The following SPAG16 variants were observed in gnomAD, a reference collection of about 807,000 sequenced individuals.
SPAG16 encodes the protein sperm associated antigen 16.
In SPAG16, 86 loss-of-function variants were observed where a neutral mutation model predicts 80.4. That is an observed-to-expected ratio of 1.07 (90% confidence interval 0.90 to 1.28). The LOEUF is 1.28. SPAG16 is among the 50% of genes most tolerant of loss of function. The pLI is 0.00. For synonymous variants in SPAG16, 294 were observed against 265.9 expected (o/e 1.11, Z -1.03); for missense variants, 870 against 765.3 (o/e 1.14, Z -1.61).
chr2:213,451,921 G>C (rs74337153), intron 9 of SPAG16, among the ~76,000 whole-genome samples: 1,569 of 151,704 alleles, frequency 0.01, 34 homozygotes, highest in African/African-American at 0.036. Context: ...TCCCTGACTC[G>C]CCCCATACCC....
intron 15 of SPAG16, among the ~76,000 whole-genome samples, chr2:214,268,985 T>G (rs1001814886): frequency 6.6e-6 from 1 of 152,040 alleles, no homozygotes; most frequent in Non-Finnish European, 1.5e-5. Context: ...TGCCAGACTT[T>G]CATTTATAGA....
chr2:214,365,272 A>G (rs1339258810), intron 15 of SPAG16, among the ~76,000 whole-genome samples: 1 of 152,190 alleles, frequency 6.6e-6, no homozygotes, highest in Non-Finnish European at 1.5e-5. Context: ...ATCAGCACCT[A>G]CTTAAACTCT....
At chr2:213,991,586 T>C (rs1048436033) in intron 12 of SPAG16, among the ~76,000 whole-genome samples, 1 of 152,142 alleles carries the variant, frequency 6.6e-6, no homozygotes, top group African/African-American at 2.4e-5. Flanking sequence ...CCCGCACTTG[T>C]CCCACGCTGC....
At chr2:213,839,226 C>A (rs11888910) in intron 10 of SPAG16, among the ~76,000 whole-genome samples, 91,501 of 152,028 alleles carry the variant, frequency 0.6, 29,285 homozygotes, top group East Asian at 0.85. Context: ...TCTATGCAGA[C>A]AGTTATAGTG....
At chr2:214,079,200 A>G (rs2051238371) in intron 13 of SPAG16, among the ~76,000 whole-genome samples, 1 of 152,176 alleles carries the variant, frequency 6.6e-6, no homozygotes, top group African/African-American at 2.4e-5. Flanking sequence ...AAAAATCACT[A>G]ACTTTTCTCT....
intron 13 of SPAG16, among the ~76,000 whole-genome samples, chr2:214,082,153 C>T (rs900689353): frequency 3.9e-5 from 6 of 152,120 alleles, no homozygotes; most frequent in African/African-American, 9.7e-5. Flanking sequence ...GCAGCTGGAT[C>T]GAGGAAAACG....
At chr2:213,758,143 C>A (rs1018084569) in intron 10 of SPAG16, 2 of 151,622 alleles carry the variant, frequency 1.3e-5, no homozygotes, top group Non-Finnish European at 3.0e-5. Context: ...AAAAGACAGT[C>A]TTTAAGTTTA....
At chr2:213,333,136 A>G (rs950150376) in intron 5 of SPAG16, among the ~76,000 whole-genome samples, 4 of 152,126 alleles carry the variant, frequency 2.6e-5, no homozygotes, top group African/African-American at 9.7e-5. Context: ...CAAAAAAATG[A>G]TGAGAACTGA....
chr2:214,088,616 G>A (rs1252005455), intron 13 of SPAG16, among the ~76,000 whole-genome samples: 1 of 151,922 alleles, frequency 6.6e-6, no homozygotes, highest in African/African-American at 2.4e-5. Flanking sequence ...TTTTTTGAAA[G>A]AATAATATTC....
At chr2:214,075,467 G>A (rs1203455576) in intron 13 of SPAG16, among the ~76,000 whole-genome samples, 1 of 151,992 alleles carries the variant, frequency 6.6e-6, no homozygotes, top group Non-Finnish European at 1.5e-5. Context: ...GGAGGCTTCT[G>A]GACGCCGTAA....
chr2:214,075,416 GTTTAC>G (rs1471087327), intron 13 of SPAG16, among the ~76,000 whole-genome samples: 1 of 151,918 alleles, frequency 6.6e-6, no homozygotes, highest in Non-Finnish European at 1.5e-5. Context: ...TCAAAATAGT[GTTTAC>G]TTTATGGGGA....
intron 10 of SPAG16, among the ~76,000 whole-genome samples, chr2:213,802,421 C>CTATA (rs1204247733): frequency 6.6e-6 from 1 of 151,670 alleles, no homozygotes; most frequent in Non-Finnish European, 1.5e-5. Context: ...ATCTATCTAT[C>CTATA]TATCTATCTA....
At chr2:214,289,969 T>G (rs1312398789) in intron 15 of SPAG16, among the ~76,000 whole-genome samples, 1 of 152,160 alleles carries the variant, frequency 6.6e-6, no homozygotes, top group African/African-American at 2.4e-5. Flanking sequence ...CTCTTCAATT[T>G]TTTTGAATAC....
At chr2:213,289,000 T>A (rs2062164065) in intron 1 of SPAG16, among the ~76,000 whole-genome samples, 1 of 152,198 alleles carries the variant, frequency 6.6e-6, no homozygotes, top group African/African-American at 2.4e-5. Flanking sequence ...GTAAAAGTCA[T>A]AGGCTATTTG....
chr2:213,756,419 G>T (rs1224117000), intron 10 of SPAG16, among the ~76,000 whole-genome samples: 1 of 152,184 alleles, frequency 6.6e-6, no homozygotes, highest in African/African-American at 2.4e-5. Flanking sequence ...AACCTAGGAG[G>T]CAGAGGTTGC....
intron 10 of SPAG16, among the ~76,000 whole-genome samples, chr2:213,763,089 C>T (rs2125527557): frequency 6.6e-6 from 1 of 152,182 alleles, no homozygotes; most frequent in East Asian, 1.9e-4. Flanking sequence ...AATATATCAC[C>T]TCACACATGT....
At chr2:214,186,020 C>G (rs1385504972) in intron 15 of SPAG16, among the ~76,000 whole-genome samples, 1 of 130,894 alleles carries the variant, frequency 7.6e-6, no homozygotes. Flanking sequence ...TTCATAAATA[C>G]CCAGCACTGT....
At chr2:214,003,179 G>C (rs1364599038) in intron 12 of SPAG16, among the ~76,000 whole-genome samples, 1 of 152,162 alleles carries the variant, frequency 6.6e-6, no homozygotes, top group Non-Finnish European at 1.5e-5. Flanking sequence ...CACTGTATTA[G>C]ACCAGTTAAT....
At chr2:213,698,396 G>T (rs774412924) in intron 10 of SPAG16, among the ~76,000 whole-genome samples, 16 of 151,928 alleles carry the variant, frequency 1.1e-4, no homozygotes, top group Non-Finnish European at 2.2e-4. Context: ...TGAGTAGCTG[G>T]GACTATAGGT....
Sources: allele counts gnomAD v4.1 joint callset (sites outside exome capture counted in the v4.1 genomes callset), GRCh38; gene constraint gnomAD v4.1.1; transcripts MANE v1.5; gene names NCBI Gene and HGNC (gene_info 2026-07-23, HGNC 2026-07-21).